Variants in HHAT observed in about 807,000 individuals in gnomAD.
HHAT encodes hedgehog acyltransferase.
HHAT carries 47 observed loss-of-function variants against 70.8 expected under a neutral mutation model. The ratio of observed to expected loss-of-function variants is 0.66; its 90% CI spans 0.53 to 0.85. The LOEUF is 0.85. HHAT is among the 40% of genes least tolerant of loss of function. HHAT has a pLI of 0.00. For synonymous variants in HHAT, 228 were observed against 247.6 expected, an observed-to-expected ratio of 0.92 and a Z score of 0.74; for missense variants, 609 against 604.8, an observed-to-expected ratio of 1.01 and a Z score of -0.07.
intron 7 of HHAT, among the ~76,000 whole-genome samples, chr1:210,436,506 T>A (rs1036825984): frequency 6.6e-6 from 1 of 151,716 alleles, no homozygotes; most frequent in African/African-American, 2.4e-5. Flanking sequence ...GTGAAGACCG[T>A]CATTGGTATT....
chr1:210,343,702 G>A (rs2086242819), intron 1 of HHAT, among the ~76,000 whole-genome samples: 1 of 152,170 alleles, frequency 6.6e-6, no homozygotes, highest in Non-Finnish European at 1.5e-5. Flanking sequence ...TTTGCTTGCT[G>A]TCCAGGGTGG....
chr1:210,593,294 C>G (rs760200506), intron 10 of HHAT, among the ~76,000 whole-genome samples: 3 of 151,880 alleles, frequency 2.0e-5, no homozygotes, highest in Non-Finnish European at 2.9e-5. Flanking sequence ...GTTTTTCTAC[C>G]TTTCTGATGT....
At chr1:210,443,096 C>T (rs1231296972) in intron 7 of HHAT, among the ~76,000 whole-genome samples, 2 of 152,220 alleles carry the variant, frequency 1.3e-5, no homozygotes, top group Admixed American at 6.5e-5. Flanking sequence ...ATTTATTAAA[C>T]AGGGAATCCT....
rs2148992414 is a variant in HHAT, at chr1:210,674,322, C to A, written c.1425C>A (p.Phe475Leu). The A allele has an allele frequency of 6.2e-7, 1 of 1,614,192 alleles. No individual in the cohort carries two copies. Among genetic ancestry groups the A allele is most frequent in the East Asian group, 2.2e-5 (1 of 44,878 alleles). Residue 475 changes from phenylalanine to leucine, a missense_variant, in exon 12 of 12, where the codon TTC (phenylalanine) becomes TTA (leucine). Transcript: ENST00000261458. ...GGGTGACCCTCTCTGTCCTGGGATTCCTGTACTGCTACTCCCACGTGGGCA... is the reference window on the plus strand; with the variant it reads ...GGGTGACCCTCTCTGTCCTGGGATTACTGTACTGCTACTCCCACGTGGGCA... ...WPWVTLSVLGFLYCYSHVGIA... is the reference protein window; with the variant it reads ...WPWVTLSVLGLLYCYSHVGIA...
At chr1:210,339,272 A>T (rs886157626) in intron 1 of HHAT, among the ~76,000 whole-genome samples, 1 of 152,184 alleles carries the variant, frequency 6.6e-6, no homozygotes, top group East Asian at 1.9e-4. Flanking sequence ...GTGACATTTT[A>T]TGTAATAAAG....
chr1:210,340,337 C>A (rs1399294351), intron 1 of HHAT, among the ~76,000 whole-genome samples: 3 of 147,418 alleles, frequency 2.0e-5, no homozygotes, highest in South Asian at 4.4e-4. Flanking sequence ...TGGAGAAAAT[C>A]ATGTAATTTA....
chr1:210,652,882 A>C (rs1283929794), intron 11 of HHAT, among the ~76,000 whole-genome samples: 1 of 152,222 alleles, frequency 6.6e-6, no homozygotes, highest in Non-Finnish European at 1.5e-5. Context: ...TAGAAGTATA[A>C]AGTGCCAGCT....
At chr1:210,465,868 G>T (rs1183574620) in intron 8 of HHAT, among the ~76,000 whole-genome samples, 1 of 151,858 alleles carries the variant, frequency 6.6e-6, no homozygotes, top group East Asian at 1.9e-4. Context: ...GAATTGCAAG[G>T]AATGAATTGC....
At chr1:210,609,684 C>T (rs1405086146) in intron 10 of HHAT, among the ~76,000 whole-genome samples, 7 of 152,164 alleles carry the variant, frequency 4.6e-5, no homozygotes, top group Admixed American at 2.6e-4. Flanking sequence ...CTCAACAGGC[C>T]CCAATGTGTG....
intron 3 of HHAT, chr1:210,374,207 T>C (rs559049233): frequency 6.6e-6 from 1 of 152,286 alleles, no homozygotes; most frequent in Admixed American, 6.5e-5. Flanking sequence ...GATTTGTTTC[T>C]CTCCACGGAA....
intron 8 of HHAT, among the ~76,000 whole-genome samples, chr1:210,487,202 C>T (rs2094485996): frequency 6.6e-6 from 1 of 152,098 alleles, no homozygotes; most frequent in South Asian, 2.1e-4. Flanking sequence ...GATATGTGGA[C>T]AGAGTGAGGA....
At chr1:210,550,980 C>CT (rs1409761833) in intron 9 of HHAT, among the ~76,000 whole-genome samples, 1 of 148,826 alleles carries the variant, frequency 6.7e-6, no homozygotes, top group Non-Finnish European at 1.5e-5. Flanking sequence ...GAAGTGATGA[C>CT]TTTTTAAACA....
intron 10 of HHAT, among the ~76,000 whole-genome samples, chr1:210,596,735 C>T (rs1051663948): frequency 6.6e-6 from 1 of 152,048 alleles, no homozygotes; most frequent in Non-Finnish European, 1.5e-5. Context: ...TTGTCTTGAA[C>T]TTCATTTAGT....
chr1:210,376,140 C>T (rs1307284849), intron 3 of HHAT, among the ~76,000 whole-genome samples: 1 of 150,998 alleles, frequency 6.6e-6, no homozygotes, highest in East Asian at 2.0e-4. Context: ...TCTGGGATTA[C>T]AGGCATGAGC....
At chr1:210,400,926 C>T (rs1419964069) in intron 5 of HHAT, among the ~76,000 whole-genome samples, 1 of 152,142 alleles carries the variant, frequency 6.6e-6, no homozygotes, top group Non-Finnish European at 1.5e-5. Flanking sequence ...ATGTGGGGTG[C>T]CAGATGTCAC....
chr1:210,538,435 A>T (rs1240139289), intron 9 of HHAT, among the ~76,000 whole-genome samples: 1 of 152,188 alleles, frequency 6.6e-6, no homozygotes, highest in Non-Finnish European at 1.5e-5. Context: ...CTCATGTGGC[A>T]TATATGAAAT....
At chr1:210,506,268 A>G (rs6672183) in intron 8 of HHAT, among the ~76,000 whole-genome samples, 85,644 of 152,010 alleles carry the variant, frequency 0.56, 25,248 homozygotes, top group South Asian at 0.68. Context: ...CTAATTTGCT[A>G]ATGGTAATCA....
At chr1:210,638,192 A>G (rs1285092909) in intron 11 of HHAT, among the ~76,000 whole-genome samples, 2 of 152,218 alleles carry the variant, frequency 1.3e-5, no homozygotes, top group Non-Finnish European at 2.9e-5. Context: ...ACTCCTGTAT[A>G]TGTGCCCAAG....
chr1:210,528,763 C>T (rs949155571), intron 9 of HHAT, among the ~76,000 whole-genome samples: 1 of 152,130 alleles, frequency 6.6e-6, no homozygotes, highest in African/African-American at 2.4e-5. Flanking sequence ...TTCAGATACC[C>T]TTTCCTGAAA....
Sources: gnomAD v4.1 joint callset for allele counts (sites outside exome capture counted in the v4.1 genomes callset) on GRCh38, gnomAD v4.1.1 for gene constraint, MANE v1.5 for transcripts, NCBI Gene and HGNC (gene_info 2026-07-23, HGNC 2026-07-21) for gene names.